The following CD1B variants were observed in gnomAD, a reference collection of about 807,000 sequenced individuals.
CD1B encodes CD1b molecule.
CD1B carries 43 observed loss-of-function variants against 39.8 expected under a neutral mutation model. The observed-to-expected ratio is 1.08, with a 90% CI of 0.85 to 1.39. The LOEUF (loss-of-function observed/expected upper bound fraction) is 1.39, where lower values mean the gene tolerates loss of function less well. Among genes scored for constraint, CD1B ranks in the 40% most tolerant of loss-of-function variants. CD1B has a pLI of 0.00. For synonymous variants in CD1B, 192 were observed against 152.5 expected, an observed-to-expected ratio of 1.26 and a Z score of -1.91; for missense variants, 495 against 403.8, an observed-to-expected ratio of 1.23 and a Z score of -1.94.
the CD1B span, among the ~76,000 whole-genome samples, chr1:158,319,390 C>T: frequency 1.3e-5 from 2 of 151,958 alleles, no homozygotes; most frequent in East Asian, 1.9e-4. Flanking sequence ...TCTAAACTTC[C>T]CTTCTCACTT....
chr1:158,289,820 C>T, the CD1B span: 2 of 454,282 alleles, frequency 4.4e-6, no homozygotes, highest in African/African-American at 3.9e-5. Flanking sequence ...TATAATGGAG[C>T]TTAGTGGCAG....
chr1:158,298,559 T>C, the CD1B span, among the ~76,000 whole-genome samples: 1 of 152,198 alleles, frequency 6.6e-6, no homozygotes, highest in Non-Finnish European at 1.5e-5. Flanking sequence ...AAGAAAGTCA[T>C]TGGTAGCTTG....
chr1:158,318,092 C>G, the CD1B span, among the ~76,000 whole-genome samples: 2 of 152,094 alleles, frequency 1.3e-5, no homozygotes, highest in Non-Finnish European at 2.9e-5. Context: ...ACTATGTGAT[C>G]AATTTTGGAA....
chr1:158,298,656 G>A, the CD1B span, among the ~76,000 whole-genome samples: 24 of 152,302 alleles, frequency 1.6e-4, no homozygotes, highest in African/African-American at 5.8e-4. Flanking sequence ...AGCATGGAAT[G>A]TTCTTCCATT....
the CD1B span, among the ~76,000 whole-genome samples, chr1:158,309,201 C>T: frequency 2.6e-5 from 4 of 152,178 alleles, no homozygotes; most frequent in African/African-American, 9.7e-5. Flanking sequence ...CAAAAGAAGA[C>T]CTTTATGCAG....
At chr1:158,305,613 C>A in the CD1B span, among the ~76,000 whole-genome samples, 1 of 152,076 alleles carries the variant, frequency 6.6e-6, no homozygotes, top group East Asian at 1.9e-4. Context: ...AAGAGCAACT[C>A]CAAGACACAT....
the CD1B span, among the ~76,000 whole-genome samples, chr1:158,314,462 TG>T: frequency 6.6e-6 from 1 of 152,278 alleles, no homozygotes; most frequent in East Asian, 1.9e-4. Flanking sequence ...AATTTATTTC[TG>T]TTTTTACATT....
chr1:158,324,365 CT>C (rs1652278773), downstream of CD1B, among the ~76,000 whole-genome samples: 1 of 152,132 alleles, frequency 6.6e-6, no homozygotes, highest in Non-Finnish European at 1.5e-5. Flanking sequence ...TACAGAGAGA[CT>C]TTTGTCTGTG....
At chr1:158,317,304 T>G in the CD1B span, among the ~76,000 whole-genome samples, 41 of 152,270 alleles carry the variant, frequency 2.7e-4, 1 homozygote, top group South Asian at 8.3e-3. Flanking sequence ...GACTCTTTTT[T>G]GTTGGTAAGG....
chr1:158,328,485 T>G (rs572841038), intron 5 of CD1B, among the ~76,000 whole-genome samples: 169 of 152,188 alleles, frequency 1.1e-3, no homozygotes, highest in African/African-American at 4.0e-3. Flanking sequence ...CTAAATGAAA[T>G]AAGTCACAAA....
the CD1B span, among the ~76,000 whole-genome samples, chr1:158,317,520 A>AT: frequency 1.1e-4 from 17 of 151,792 alleles, no homozygotes; most frequent in Non-Finnish European, 2.2e-4. Context: ...CCCCTTTATC[A>AT]TTTTTTTATT....
intron 2 of CD1B, chr1:158,330,463 T>G: frequency 1.8e-6 from 1 of 550,302 alleles, no homozygotes; most frequent in Non-Finnish European, 3.3e-6. Flanking sequence ...ATTGAAAAGA[T>G]GGATTAGGGG....
the CD1B span, among the ~76,000 whole-genome samples, chr1:158,294,992 C>T: frequency 6.6e-6 from 1 of 152,104 alleles, no homozygotes; most frequent in South Asian, 2.1e-4. Flanking sequence ...TTCCTTGGCA[C>T]CAGGAGGCCC....
At chr1:158,327,148 G>A (rs984767351), downstream of CD1B, among the ~76,000 whole-genome samples, 20 of 152,172 alleles carry the variant, frequency 1.3e-4, no homozygotes, top group African/African-American at 4.8e-4. Context: ...ATTTTACAGA[G>A]TGCAGATTGG....
chr1:158,286,510 C>T, the CD1B span, among the ~76,000 whole-genome samples: 2 of 152,296 alleles, frequency 1.3e-5, no homozygotes, highest in South Asian at 2.1e-4. Flanking sequence ...GGCTGATAGA[C>T]ATTCTAAGGA....
chr1:158,327,297 C>T (rs1652390315), downstream of CD1B, among the ~76,000 whole-genome samples: 2 of 152,102 alleles, frequency 1.3e-5, no homozygotes, highest in South Asian at 4.1e-4. Flanking sequence ...ATAGGAGTCC[C>T]CACTCAACCC....
At chr1:158,309,171 G>A in the CD1B span, among the ~76,000 whole-genome samples, 1 of 152,144 alleles carries the variant, frequency 6.6e-6, no homozygotes, top group Non-Finnish European at 1.5e-5. Context: ...AGTGGGCAAA[G>A]GATATGAACA....
chr1:158,292,072 C>T, the CD1B span: 13 of 1,601,066 alleles, frequency 8.1e-6, no homozygotes, highest in East Asian at 2.2e-4. Flanking sequence ...TCTCATTCCT[C>T]CCTTCCTCCA....
chr1:158,318,166 A>G, the CD1B span, among the ~76,000 whole-genome samples: 1 of 152,270 alleles, frequency 6.6e-6, no homozygotes, highest in Admixed American at 6.5e-5. Context: ...AGTTCTGTAG[A>G]TGTCTATTAG....
Sources: gnomAD v4.1 joint callset for allele counts (sites outside exome capture counted in the v4.1 genomes callset) on GRCh38, gnomAD v4.1.1 for gene constraint, MANE v1.5 for transcripts, NCBI Gene and HGNC (gene_info 2026-07-23, HGNC 2026-07-21) for gene names.